NDE1: variants seen among roughly 807,000 people sequenced by gnomAD.
NDE1 encodes nuclear distribution protein nudE homolog 1.
Under a neutral mutation model 43.4 loss-of-function variants are expected in NDE1, and 28 were observed. The observed-to-expected ratio is 0.65, with a 90% CI of 0.48 to 0.89. The LOEUF (loss-of-function observed/expected upper bound fraction) is 0.89, where lower values mean the gene tolerates loss of function less well. NDE1 is among the 40% of genes least tolerant of loss of function. The pLI is 0.00. For synonymous variants in NDE1, 184 were observed against 172.0 expected (o/e 1.07, Z -0.55); for missense variants, 441 against 434.1 (o/e 1.02, Z -0.14).
At chr16:15,696,562 T>G in intron 7 of NDE1, 147 bp from the exon 8 acceptor site, 1 of 1,445,838 alleles carries the variant, frequency 6.9e-7, no homozygotes, top group Non-Finnish European at 9.4e-7. Context: ...GGCATATACG[T>G]TGGATTCCTC....
At chr16:15,652,344 C>T (rs1204656043) in intron 1 of NDE1, among the ~76,000 whole-genome samples, 2 of 152,196 alleles carry the variant, frequency 1.3e-5, no homozygotes, top group African/African-American at 2.4e-5. Flanking sequence ...GCATGCAGCC[C>T]AAAGTGTGTT....
At position 15,720,162 on chromosome 16, in the gene NDE1, G is replaced by A. The variant is rs369409348; in HGVS notation, c.948-4029G>A. 26 of 1,613,974 alleles carry A rather than the reference G, an allele frequency of 1.6e-5. No homozygotes were observed. The highest frequency in any genetic ancestry group is 8.3e-5 in the Admixed American group (5 of 59,984). Reference sequence around the variant, plus strand: ...CTAGTGTCACCCACCTGCAGTTTGCGTAGCTGCTTGATGGCTTCCTCCCTC... The same window carrying A: ...CTAGTGTCACCCACCTGCAGTTTGCATAGCTGCTTGATGGCTTCCTCCCTC... On this transcript the variant is annotated intron_variant, in intron 8 of 8. Transcript: ENST00000396354.
At chr16:15,709,842 AAG>A (rs1256042950) in intron 8 of NDE1, among the ~76,000 whole-genome samples, 1 of 152,162 alleles carries the variant, frequency 6.6e-6, no homozygotes, top group African/African-American at 2.4e-5. Context: ...GGCCTCTAGC[AAG>A]AGAGGAGAGG....
At chr16:15,644,964 G>T (rs1266605094) in intron 1 of NDE1, among the ~76,000 whole-genome samples, 8 of 143,902 alleles carry the variant, frequency 5.6e-5, no homozygotes, top group Non-Finnish European at 1.0e-4. Context: ...TCATTGCCCA[G>T]GCTGGAGTGC....
chr16:15,705,831 A>G (rs909378718), intron 8 of NDE1, among the ~76,000 whole-genome samples: 44 of 151,800 alleles, frequency 2.9e-4, no homozygotes, highest in Non-Finnish European at 1.5e-4. Flanking sequence ...AATACAAAAA[A>G]TTAGCCGGGC....
chr16:15,720,742 TAAAG>T (rs147361095), intron 8 of NDE1: 32,094 of 1,351,064 alleles, frequency 0.024, 1,182 homozygotes, highest in East Asian at 0.17. Flanking sequence ...CAAAAAAAAA[TAAAG>T]AAAACGAAGT....
At chr16:15,662,526 G>A (rs1008143921) in intron 1 of NDE1, among the ~76,000 whole-genome samples, 18 of 149,332 alleles carry the variant, frequency 1.2e-4, no homozygotes, top group Middle Eastern at 3.8e-3. Flanking sequence ...CTCATGATCC[G>A]CCTGCCTCGG....
At chr16:15,707,225 C>T (rs996322966) in intron 8 of NDE1, among the ~76,000 whole-genome samples, 7 of 152,166 alleles carry the variant, frequency 4.6e-5, no homozygotes, top group East Asian at 1.9e-4. Flanking sequence ...TTAGGAGAGA[C>T]GGGGTTTTAC....
chr16:15,705,517 C>T (rs939324907), intron 8 of NDE1, among the ~76,000 whole-genome samples: 9 of 152,174 alleles, frequency 5.9e-5, no homozygotes, highest in African/African-American at 9.7e-5. Flanking sequence ...TTTCAGCAAC[C>T]GCAACAAATA....
intron 8 of NDE1, chr16:15,717,388 A>C: frequency 6.3e-7 from 1 of 1,595,662 alleles, no homozygotes; most frequent in African/African-American, 1.3e-5. Flanking sequence ...GACTCAGGGA[A>C]GCCCAAGAGA....
intron 8 of NDE1, chr16:15,702,258 G>GGGCT (rs1555546634): frequency 6.6e-6 from 1 of 152,194 alleles, no homozygotes; most frequent in African/African-American, 2.4e-5. Flanking sequence ...AAGAAGGACA[G>GGGCT]GGCCTACAGC....
chr16:15,707,347 C>G (rs763935401), intron 8 of NDE1, among the ~76,000 whole-genome samples: 2 of 152,218 alleles, frequency 1.3e-5, no homozygotes, highest in East Asian at 3.9e-4. Context: ...GGATTCTATT[C>G]GTGGACTCAG....
Position 15,691,247 on chromosome 16 carries a change from G to C in NDE1, c.627G>C (p.Thr209=), listed in dbSNP as rs768268553. The C allele has an allele frequency of 3.1e-6, 5 of 1,614,170 alleles. No individual in the cohort carries two copies. Among genetic ancestry groups the C allele is most frequent in the African/African-American group, 2.7e-5 (2 of 75,054 alleles). Residue 209 remains threonine (T), a synonymous_variant, in exon 6 of 9, where the codon ACG becomes ACC. Coordinates refer to ENST00000396354, the MANE Select transcript of NDE1 (RefSeq NM_017668.3). The part of the protein sequence containing the change: ...AERTDTAVQA[T]GSVPSTPIAH... Reference sequence around the variant, plus strand: ...GGACAGACACAGCTGTGCAGGCCACGGGCTCCGTGCCGTCCACGCCCATTG... The same window carrying C: ...GGACAGACACAGCTGTGCAGGCCACCGGCTCCGTGCCGTCCACGCCCATTG...
intron 1 of NDE1, among the ~76,000 whole-genome samples, chr16:15,663,705 A>C (rs566694332): frequency 2.0e-5 from 3 of 152,302 alleles, no homozygotes; most frequent in Admixed American, 6.5e-5. Context: ...ACTCAAATAT[A>C]TGCAATTTAT....
intron 8 of NDE1, chr16:15,721,707 G>T: frequency 6.7e-7 from 1 of 1,498,808 alleles, no homozygotes. Context: ...AATACCGGGG[G>T]AAGCCCTGTG....
chr16:15,699,084 A>G (rs1220454078), intron 8 of NDE1, among the ~76,000 whole-genome samples: 1 of 151,314 alleles, frequency 6.6e-6, no homozygotes, highest in Non-Finnish European at 1.5e-5. Context: ...CAGTCTTGCT[A>G]TGTTGCCCAG....
chr16:15,688,689 C>CTTTTTATTTTTTTT (rs1277177970), intron 5 of NDE1, among the ~76,000 whole-genome samples: 2 of 59,988 alleles, frequency 3.3e-5, no homozygotes, highest in Non-Finnish European at 5.9e-5. Flanking sequence ...TTGTTTTTAC[C>CTTTTTATTTTTTTT]TTTTTTTTTT....
intron 8 of NDE1, chr16:15,719,174 C>T (rs1397896765): frequency 1.9e-6 from 3 of 1,568,840 alleles, no homozygotes; most frequent in African/African-American, 1.3e-5. Context: ...CTGCCTGTCC[C>T]CCCATCCTCT....
Position 15,707,980 on chromosome 16 carries a change from G to A in NDE1, c.947+11120G>A, listed in dbSNP as rs74009408. Among the ~76,000 whole-genome samples, 282 of 102,268 alleles carry A rather than the reference G, an allele frequency of 2.8e-3. 5 individuals are homozygous for A. Among genetic ancestry groups the A allele is most frequent in the African/African-American group, 0.013 (250 of 19,496 alleles). The allele number at this position is 102,268 out of a possible 152,430, so 67.1% of individuals were successfully genotyped here. ...GTCTCAAAAAAAAAAAAAAAAAAAA[G>A]CAAAATCCCAGAGCAGCAGAGACCT... On this transcript the variant is annotated intron_variant, in intron 8 of 8. Transcript: ENST00000396354.
Sources: gnomAD v4.1 joint callset for allele counts (sites outside exome capture counted in the v4.1 genomes callset) on GRCh38, gnomAD v4.1.1 for gene constraint, MANE v1.5 for transcripts, NCBI Gene and HGNC (gene_info 2026-07-23, HGNC 2026-07-21) for gene names.